Variants in KCTD10 observed in about 807,000 individuals in gnomAD.
KCTD10 encodes BTB/POZ domain-containing adapter for CUL3-mediated RhoA degradation protein 3.
A neutral mutation model predicts 34.6 loss-of-function variants in KCTD10; 13 were observed. The ratio of observed to expected loss-of-function variants is 0.38; its 90% CI spans 0.24 to 0.60. The LOEUF is 0.60. Ranked by LOEUF, KCTD10 falls within the 20% of genes least tolerant of loss-of-function variation. The pLI is 0.66. For missense variants in KCTD10, 256 were observed against 420.3 expected (o/e 0.61, Z 3.42); for synonymous variants, 156 against 168.8 (o/e 0.92, Z 0.59).
At chr12:109,465,294 A>G (rs760856370) in intron 2 of KCTD10, among the ~76,000 whole-genome samples, 1 of 152,242 alleles carries the variant, frequency 6.6e-6, no homozygotes. Context: ...GCATAATGCT[A>G]CGTAAGCAAA....
chr12:109,463,574 G>C (rs1303164817), intron 2 of KCTD10, among the ~76,000 whole-genome samples: 1 of 152,148 alleles, frequency 6.6e-6, no homozygotes, highest in Non-Finnish European at 1.5e-5. Context: ...TCCAAAGTCA[G>C]GGCAGCCTGG....
intron 2 of KCTD10, among the ~76,000 whole-genome samples, chr12:109,464,022 G>A (rs1462467012): frequency 6.6e-6 from 1 of 152,144 alleles, no homozygotes; most frequent in Non-Finnish European, 1.5e-5. Context: ...CAGGAGGATT[G>A]GGCCACTAGG....
At chr12:109,452,518 T>C (rs1406114062) in intron 6 of KCTD10, among the ~76,000 whole-genome samples, 2 of 152,214 alleles carry the variant, frequency 1.3e-5, no homozygotes, top group Non-Finnish European at 1.5e-5. Flanking sequence ...TAGACTCCAC[T>C]TTCAGGGTGG....
intron 2 of KCTD10, among the ~76,000 whole-genome samples, chr12:109,464,419 C>T (rs1873496976): frequency 1.3e-5 from 2 of 152,152 alleles, no homozygotes; most frequent in Admixed American, 1.3e-4. Context: ...CCCCAAGAAA[C>T]AACAAAAATG....
intron 4 of KCTD10, 144 bp from the exon 5 acceptor site, chr12:109,457,826 T>G: frequency 9.6e-7 from 1 of 1,039,146 alleles, no homozygotes. Context: ...GGGGACCACA[T>G]GACCCAATAG....
At chr12:109,454,374 T>C (rs4766604) in intron 6 of KCTD10, among the ~76,000 whole-genome samples, 25,797 of 151,932 alleles carry the variant, frequency 0.17, 2,242 homozygotes, top group African/African-American at 0.18. Context: ...ACCAACAACC[T>C]CAAACAAAAA....
At chr12:109,469,988 A>G (rs1873807135) in intron 1 of KCTD10, 1 of 1,209,320 alleles carries the variant, frequency 8.3e-7, no homozygotes, top group South Asian at 1.9e-5. Context: ...AGAGAGGGCC[A>G]TGCATCCCCT....
At chr12:109,463,478 A>T (rs1873440630) in intron 2 of KCTD10, among the ~76,000 whole-genome samples, 1 of 152,204 alleles carries the variant, frequency 6.6e-6, no homozygotes, top group Non-Finnish European at 1.5e-5. Flanking sequence ...AGCACGTAGA[A>T]AGACAAATGG....
intron 6 of KCTD10, among the ~76,000 whole-genome samples, chr12:109,453,869 G>C (rs1462804639): frequency 6.6e-6 from 1 of 152,196 alleles, no homozygotes; most frequent in Non-Finnish European, 1.5e-5. Flanking sequence ...TGCATACGCA[G>C]ACTGAAAGAA....
At chr12:109,455,584 C>T (rs1872973170) in intron 6 of KCTD10, 1 of 157,260 alleles carries the variant, frequency 6.4e-6, no homozygotes, top group Non-Finnish European at 1.4e-5. Context: ...AGAGGCATGA[C>T]CGTCGGCCCA....
intron 2 of KCTD10, among the ~76,000 whole-genome samples, chr12:109,463,015 A>G (rs558087920): frequency 1.3e-5 from 2 of 152,152 alleles, no homozygotes; most frequent in Non-Finnish European, 2.9e-5. Flanking sequence ...TTCCACAAAT[A>G]AAACAGAGGC....
rs578101080 is a variant in KCTD10, at chr12:109,451,889, C to A, written c.724-76G>T. The A allele has an allele frequency of 1.3e-4, 163 of 1,272,764 alleles. No individual in the cohort carries two copies. In the African/African-American group the frequency reaches 2.3e-3, roughly 18 times the overall value. 78.8% of individuals were successfully genotyped at this position (1,272,764 alleles called of 1,614,324 possible). On this transcript the variant is annotated intron_variant, in intron 6 of 6. Coordinates refer to ENST00000228495, the MANE Select transcript of KCTD10 (RefSeq NM_031954.5). This position sits in a 1 kb window ranked among gnomAD's most constrained non-coding sequence, Gnocchi z 5.0. The stretch of plus-strand genomic sequence containing the variant: ...CCAACACCTGGACTTTAAGCAGGGC[C>A]GCCAGGCTAAATCAGGCCCCTGGGA...
chr12:109,461,268 G>C (rs1338883980), intron 2 of KCTD10, among the ~76,000 whole-genome samples: 1 of 152,116 alleles, frequency 6.6e-6, no homozygotes, highest in African/African-American at 2.4e-5. Flanking sequence ...TTCTAAGAAC[G>C]CACAAGTCTC....
At chr12:109,473,679 C>T (rs1161685849) in intron 1 of KCTD10, among the ~76,000 whole-genome samples, 2 of 152,052 alleles carry the variant, frequency 1.3e-5, no homozygotes, top group Non-Finnish European at 2.9e-5. Flanking sequence ...GTCCTTGAGC[C>T]CAAGTTACAG....
At chr12:109,474,585 C>T (rs934512556) in intron 1 of KCTD10, among the ~76,000 whole-genome samples, 3 of 152,104 alleles carry the variant, frequency 2.0e-5, no homozygotes, top group African/African-American at 7.2e-5. Flanking sequence ...TTAAAGCCCA[C>T]CAAGATTAGA....
intron 6 of KCTD10, among the ~76,000 whole-genome samples, chr12:109,452,849 T>TTTTTTTTTC (rs957200527): frequency 6.6e-6 from 1 of 151,432 alleles, no homozygotes; most frequent in African/African-American, 2.4e-5. Flanking sequence ...TCTTTCCTTT[T>TTTTTTTTTC]TTTTTAAAAG....
intron 2 of KCTD10, among the ~76,000 whole-genome samples, chr12:109,467,184 C>T (rs1246780582): frequency 1.3e-5 from 2 of 152,248 alleles, no homozygotes; most frequent in Non-Finnish European, 2.9e-5. Flanking sequence ...TAAGAGGCAG[C>T]AAGTCCTGGG....
At chr12:109,462,203 G>A (rs955100224) in intron 2 of KCTD10, among the ~76,000 whole-genome samples, 1 of 152,198 alleles carries the variant, frequency 6.6e-6, no homozygotes, top group Admixed American at 6.5e-5. Context: ...GCATAGTTTG[G>A]TATTCTTTGC....
intron 1 of KCTD10, among the ~76,000 whole-genome samples, chr12:109,472,546 A>G (rs1225402856): frequency 6.6e-6 from 1 of 152,222 alleles, no homozygotes; most frequent in Non-Finnish European, 1.5e-5. Flanking sequence ...ATATTCTAAA[A>G]TAACCATTAA....
Sources: allele counts gnomAD v4.1 joint callset (sites outside exome capture counted in the v4.1 genomes callset), GRCh38; gene constraint gnomAD v4.1.1; non-coding constraint Gnocchi (gnomAD v3.1); transcripts MANE v1.5; gene names NCBI Gene and HGNC (gene_info 2026-07-23, HGNC 2026-07-21).